EVA1C: variants seen among roughly 807,000 people sequenced by gnomAD.
The protein encoded by EVA1C is protein eva-1 homolog C.
A neutral mutation model predicts 45.4 loss-of-function variants in EVA1C; 25 were observed. The observed-to-expected ratio is 0.55, with a 90% confidence interval of 0.40 to 0.77. The LOEUF is 0.77. Ranked by LOEUF, EVA1C falls within the 30% of genes least tolerant of loss-of-function variation. EVA1C has a pLI of 0.00. For synonymous variants in EVA1C, 190 were observed against 221.2 expected (o/e 0.86, Z 1.25); for missense variants, 479 against 554.8 (o/e 0.86, Z 1.37).
chr21:32,442,849 C>G (rs1213180489), intron 1 of EVA1C, among the ~76,000 whole-genome samples: 15 of 151,924 alleles, frequency 9.9e-5, no homozygotes, highest in Admixed American at 9.8e-4. Context: ...AACGTCAACC[C>G]TCAGGAAACT....
At chr21:32,514,715 T>C in intron 7 of EVA1C, 99 bp from the exon 8 acceptor site, 1 of 1,339,456 alleles carries the variant, frequency 7.5e-7, no homozygotes, top group Non-Finnish European at 1.0e-6. Flanking sequence ...CATTCTTCAT[T>C]AGCCCCCTGC....
Sources: allele counts gnomAD v4.1 joint callset (sites outside exome capture counted in the v4.1 genomes callset), GRCh38; gene constraint gnomAD v4.1.1; transcripts MANE v1.5; gene names NCBI Gene and HGNC (gene_info 2026-07-23, HGNC 2026-07-21).